The following HPSE2 variants were observed in gnomAD, a reference collection of about 807,000 sequenced individuals.
HPSE2 encodes inactive heparanase-2.
HPSE2 carries 38 observed loss-of-function variants against 60.5 expected under a neutral mutation model. That is an observed-to-expected ratio of 0.63 (90% CI 0.48 to 0.82). The LOEUF (loss-of-function observed/expected upper bound fraction) is 0.82, where lower values mean the gene tolerates loss of function less well. HPSE2 is among the 40% of genes least tolerant of loss of function. The pLI, the probability that HPSE2 is intolerant of heterozygous loss-of-function variation, is 0.00. For missense variants in HPSE2, 713 were observed against 740.4 expected, an observed-to-expected ratio of 0.96 and a Z score of 0.43; for synonymous variants, 295 against 293.2, an observed-to-expected ratio of 1.01 and a Z score of -0.06.
chr10:98,697,428 T>G (rs1211740056), intron 5 of HPSE2, among the ~76,000 whole-genome samples: 3 of 152,010 alleles, frequency 2.0e-5, no homozygotes, highest in Non-Finnish European at 4.4e-5. Flanking sequence ...ACCATCTTGC[T>G]GAAATAAGGC....
chr10:98,621,483 T>G (rs1946072533), intron 7 of HPSE2, among the ~76,000 whole-genome samples: 1 of 152,152 alleles, frequency 6.6e-6, no homozygotes, highest in Non-Finnish European at 1.5e-5. Context: ...AAGCAGAACC[T>G]GAGTCAAAGG....
chr10:98,551,956 A>AT lies in HPSE2; in HGVS notation c.1321-61761dup, dbSNP rs528795504. Among the ~76,000 whole-genome samples the AT allele has an allele frequency of 9.3e-4, 142 of 152,218 alleles. 1 individual carries two copies. Among genetic ancestry groups the AT allele is most frequent in the Non-Finnish European group, 1.8e-3 (121 of 68,002 alleles). On this transcript the variant is annotated intron_variant, in intron 9 of 11. Transcript: ENST00000370552. ...GCCTAGGAATCTTTATCATTAATACATTTTTTCTGGTAGGTTTTAATAACC... is the reference window on the plus strand; with the variant it reads ...GCCTAGGAATCTTTATCATTAATACATTTTTTTCTGGTAGGTTTTAATAACC...
chr10:98,868,078 AAAATAAATAAATAAATAAATAAATAAAT>A (rs34543812), intron 3 of HPSE2, among the ~76,000 whole-genome samples: 8 of 140,220 alleles, frequency 5.7e-5, no homozygotes, highest in African/African-American at 2.1e-4. Context: ...AGAAAGAAAG[AAAATAAATAAATAAATAAATAAATAAAT>A]AAATAAATAA....
intron 9 of HPSE2, among the ~76,000 whole-genome samples, chr10:98,530,242 T>A (rs906466739): frequency 1.3e-5 from 2 of 152,190 alleles, no homozygotes; most frequent in Non-Finnish European, 2.9e-5. Flanking sequence ...CCAGCCAGAT[T>A]TACTTCAGTT....
intron 3 of HPSE2, among the ~76,000 whole-genome samples, chr10:98,962,931 A>G (rs1159927184): frequency 6.6e-6 from 1 of 152,198 alleles, no homozygotes; most frequent in Admixed American, 6.5e-5. Flanking sequence ...TATTCCCTAA[A>G]TAGAAGTCAG....
intron 3 of HPSE2, among the ~76,000 whole-genome samples, chr10:99,133,808 T>C (rs1219982163): frequency 2.6e-5 from 4 of 152,154 alleles, no homozygotes; most frequent in African/African-American, 7.2e-5. Context: ...ACCAGAATGC[T>C]GCTTCTCCTC....
chr10:98,920,925 G>A (rs1486110657), intron 3 of HPSE2, among the ~76,000 whole-genome samples: 2 of 152,044 alleles, frequency 1.3e-5, no homozygotes, highest in Non-Finnish European at 1.5e-5. Flanking sequence ...AAACAGCTTC[G>A]TCCAGCTGCC....
intron 2 of HPSE2, among the ~76,000 whole-genome samples, chr10:99,173,768 AC>A (rs1412309469): frequency 1.3e-5 from 2 of 151,872 alleles, no homozygotes; most frequent in African/African-American, 4.8e-5. Context: ...ACATGGCGAA[AC>A]CCGTCTCTAC....
chr10:98,854,598 C>A (rs181248786), intron 3 of HPSE2, among the ~76,000 whole-genome samples: 1 of 152,058 alleles, frequency 6.6e-6, no homozygotes, highest in African/African-American at 2.4e-5. Context: ...TAGGGGGACA[C>A]GGGGAAGGAC....
chr10:99,135,761 A>T (rs1341341562), intron 3 of HPSE2, among the ~76,000 whole-genome samples: 1 of 152,222 alleles, frequency 6.6e-6, no homozygotes, highest in Non-Finnish European at 1.5e-5. Flanking sequence ...AAGATAAAAA[A>T]TTAAAACAAT....
chr10:99,007,029 A>C (rs1389917483), intron 3 of HPSE2, among the ~76,000 whole-genome samples: 1 of 151,930 alleles, frequency 6.6e-6, no homozygotes, highest in East Asian at 2.0e-4. Context: ...CCTGAAGACC[A>C]GGGCTTTAGA....
intron 9 of HPSE2, among the ~76,000 whole-genome samples, chr10:98,579,371 C>T (rs1023282087): frequency 6.6e-6 from 1 of 152,194 alleles, no homozygotes; most frequent in African/African-American, 2.4e-5. Context: ...ATGGCCAGAC[C>T]TCCACCACCT....
chr10:98,546,646 A>C (rs1400267525), intron 9 of HPSE2, among the ~76,000 whole-genome samples: 1 of 150,306 alleles, frequency 6.7e-6, no homozygotes, highest in African/African-American at 2.4e-5. Flanking sequence ...CTTACACAAA[A>C]ATTAATTCAA....
At chr10:98,947,635 G>A (rs1047524839) in intron 3 of HPSE2, among the ~76,000 whole-genome samples, 9 of 152,102 alleles carry the variant, frequency 5.9e-5, no homozygotes, top group Admixed American at 5.9e-4. Flanking sequence ...GTAAGAAAGA[G>A]AAGCAAGTAC....
chr10:99,047,303 C>A (rs1348446070), intron 3 of HPSE2, among the ~76,000 whole-genome samples: 2 of 152,060 alleles, frequency 1.3e-5, no homozygotes, highest in Non-Finnish European at 2.9e-5. Flanking sequence ...TTACCTTTCA[C>A]CATATACAAA....
intron 3 of HPSE2, among the ~76,000 whole-genome samples, chr10:98,802,300 A>AG (rs1555000167): frequency 6.7e-6 from 1 of 148,678 alleles, no homozygotes; most frequent in East Asian, 2.0e-4. Flanking sequence ...TTCTCTTTTT[A>AG]TTTTTTTTTT....
chr10:98,671,707 C>T (rs553010106), intron 6 of HPSE2, among the ~76,000 whole-genome samples: 2 of 152,200 alleles, frequency 1.3e-5, no homozygotes, highest in East Asian at 1.9e-4. Flanking sequence ...AATTCCAATT[C>T]GATAGTTCCT....
At chr10:99,275,903 G>A in the HPSE2 span, among the ~76,000 whole-genome samples, 11 of 152,298 alleles carry the variant, frequency 7.2e-5, no homozygotes, top group South Asian at 2.3e-3. Context: ...ATGAAGGGGT[G>A]GGTGTGGGTG....
At chr10:98,760,023 A>C (rs1004947321) in intron 3 of HPSE2, among the ~76,000 whole-genome samples, 11 of 151,838 alleles carry the variant, frequency 7.2e-5, no homozygotes, top group African/African-American at 2.4e-4. Flanking sequence ...TTTTATTCTT[A>C]AGTATTTTGT....
Sources: gnomAD v4.1 joint callset for allele counts (sites outside exome capture counted in the v4.1 genomes callset) on GRCh38, gnomAD v4.1.1 for gene constraint, MANE v1.5 for transcripts, NCBI Gene and HGNC (gene_info 2026-07-23, HGNC 2026-07-21) for gene names.